The following NELL1 variants were observed in gnomAD, a reference collection of about 807,000 sequenced individuals.
NELL1 encodes protein kinase C-binding protein NELL1.
In NELL1, 76 loss-of-function variants were observed where a neutral mutation model predicts 107.4. The observed-to-expected ratio is 0.71, with a 90% confidence interval of 0.59 to 0.86. NELL1 has a LOEUF of 0.86. Ranked by LOEUF, NELL1 falls within the 40% of genes least tolerant of loss-of-function variation. The pLI is 0.00. For missense variants in NELL1, 1,024 were observed against 1,005.5 expected (o/e 1.02, Z -0.25); for synonymous variants, 353 against 341.2 (o/e 1.03, Z -0.38).
Position 21,181,816 on chromosome 11 carries a change from CATTATT to C in NELL1, c.1427-47509_1427-47504del, listed in dbSNP as rs776781757. ...ATAGAAAATACAACACCTTAATTGTCATTATTATTATTTTTTCTACTAGTGTACTGA... is the reference window on the plus strand; with the variant it reads ...ATAGAAAATACAACACCTTAATTGTCATTATTTTTTCTACTAGTGTACTGA... On this transcript the variant is annotated intron_variant, in intron 13 of 19. Coordinates refer to ENST00000357134, the MANE Select transcript of NELL1 (RefSeq NM_006157.5). Among the ~76,000 whole-genome samples the C allele has an allele frequency of 6.6e-5, 10 of 151,794 alleles. 1 individual carries two copies. Among genetic ancestry groups the C allele is most frequent in the African/African-American group, 9.7e-5 (4 of 41,192 alleles).
chr11:21,390,232 T>C (rs559563703), intron 15 of NELL1, among the ~76,000 whole-genome samples: 26 of 151,762 alleles, frequency 1.7e-4, no homozygotes, highest in African/African-American at 6.0e-4. Context: ...GGCCCTTTTA[T>C]TTATTGTGCT....
At chr11:21,476,813 T>G (rs1201505723) in intron 15 of NELL1, among the ~76,000 whole-genome samples, 1 of 152,080 alleles carries the variant, frequency 6.6e-6, no homozygotes, top group East Asian at 1.9e-4. Context: ...GCACAATGAT[T>G]GTGGGACTTT....
At chr11:21,072,980 C>T (rs984882449) in intron 12 of NELL1, among the ~76,000 whole-genome samples, 2 of 152,104 alleles carry the variant, frequency 1.3e-5, no homozygotes, top group Admixed American at 1.3e-4. Flanking sequence ...ATCTAGCTTG[C>T]TCTTTCTTCC....
intron 12 of NELL1, among the ~76,000 whole-genome samples, chr11:21,087,007 T>C (rs1854408486): frequency 6.6e-6 from 1 of 151,708 alleles, no homozygotes; most frequent in African/African-American, 2.4e-5. Flanking sequence ...CCTGGCTAAT[T>C]TTTCGTATTT....
In NELL1 at chr11:20,820,448, A is replaced by G. The variant is rs959666553; in HGVS notation, c.336-27135A>G. Among the ~76,000 whole-genome samples the G allele has an allele frequency of 2.2e-4, 33 of 152,238 alleles. 1 individual carries two copies. Among genetic ancestry groups the G allele is most frequent in the Admixed American group, 2.0e-4 (3 of 15,282 alleles). On this transcript the variant is annotated intron_variant, in intron 3 of 19. Transcript: ENST00000357134. ...GGTCACTCAACAGTTACAGCACACCATAATATGTGTTACAAAAGAAATGAG... is the reference window on the plus strand; with the variant it reads ...GGTCACTCAACAGTTACAGCACACCGTAATATGTGTTACAAAAGAAATGAG...
intron 13 of NELL1, among the ~76,000 whole-genome samples, chr11:21,142,728 T>C (rs192008886): frequency 6.6e-6 from 1 of 152,320 alleles, no homozygotes; most frequent in East Asian, 1.9e-4. Context: ...TTCCTGAAAG[T>C]TCACCCTGGA....
At chr11:21,417,792 G>A (rs912461304) in intron 15 of NELL1, among the ~76,000 whole-genome samples, 2 of 151,890 alleles carry the variant, frequency 1.3e-5, no homozygotes, top group African/African-American at 4.8e-5. Flanking sequence ...CACTTCTAAG[G>A]TGGGTCCTAC....
At chr11:21,353,576 A>G (rs1268882280) in intron 14 of NELL1, among the ~76,000 whole-genome samples, 1 of 152,194 alleles carries the variant, frequency 6.6e-6, no homozygotes, top group East Asian at 1.9e-4. Context: ...TAGATGAGAT[A>G]TAGCTAAACA....
At chr11:21,143,027 C>G (rs1429643574) in intron 13 of NELL1, among the ~76,000 whole-genome samples, 1 of 152,150 alleles carries the variant, frequency 6.6e-6, no homozygotes, top group African/African-American at 2.4e-5. Flanking sequence ...CAAATATTCT[C>G]AAAAGGGCAA....
chr11:21,514,045 T>C (rs181933607), intron 15 of NELL1, among the ~76,000 whole-genome samples: 6 of 152,328 alleles, frequency 3.9e-5, no homozygotes, highest in African/African-American at 1.4e-4. Flanking sequence ...ACATAAAACT[T>C]GATTAATCTT....
intron 14 of NELL1, among the ~76,000 whole-genome samples, chr11:21,310,767 A>C (rs1027328758): frequency 2.6e-5 from 4 of 152,032 alleles, no homozygotes; most frequent in Non-Finnish European, 4.4e-5. Context: ...TGTTGATGCT[A>C]TGCAGGTTCA....
intron 2 of NELL1, among the ~76,000 whole-genome samples, chr11:20,749,423 A>G (rs990687867): frequency 6.6e-6 from 1 of 151,458 alleles, no homozygotes; most frequent in South Asian, 2.1e-4. Flanking sequence ...ACACAATGAG[A>G]CCTCATCTCT....
At chr11:21,476,233 A>C (rs10833547) in intron 15 of NELL1, among the ~76,000 whole-genome samples, 75,098 of 151,928 alleles carry the variant, frequency 0.49, 19,068 homozygotes, top group African/African-American at 0.61. Flanking sequence ...ATTTATTCCT[A>C]TTAATATGGG....
intron 14 of NELL1, among the ~76,000 whole-genome samples, chr11:21,301,135 A>T (rs1238984867): frequency 5.9e-5 from 9 of 152,112 alleles, no homozygotes; most frequent in Non-Finnish European, 1.5e-5. Context: ...TTCTTAATCC[A>T]GTCTGTCATT....
At chr11:20,820,703 C>T (rs1857730440) in intron 3 of NELL1, among the ~76,000 whole-genome samples, 3 of 152,074 alleles carry the variant, frequency 2.0e-5, no homozygotes, top group South Asian at 4.1e-4. Flanking sequence ...GCCCTTTGTA[C>T]CTATTTCTCT....
intron 13 of NELL1, among the ~76,000 whole-genome samples, chr11:21,131,969 G>A (rs1449938896): frequency 6.6e-6 from 1 of 152,156 alleles, no homozygotes; most frequent in African/African-American, 2.4e-5. Context: ...GGAGACACAG[G>A]TACAGGATGG....
At chr11:21,162,160 A>T (rs1294951491) in intron 13 of NELL1, among the ~76,000 whole-genome samples, 1 of 152,084 alleles carries the variant, frequency 6.6e-6, no homozygotes, top group Non-Finnish European at 1.5e-5. Context: ...CATGTTGACC[A>T]GGATGGTCTC....
At chr11:21,514,843 C>G (rs1855518803) in intron 15 of NELL1, among the ~76,000 whole-genome samples, 1 of 152,088 alleles carries the variant, frequency 6.6e-6, no homozygotes, top group Non-Finnish European at 1.5e-5. Context: ...CAGTCCTGTC[C>G]TGTATTATTG....
Position 21,574,835 on chromosome 11 carries a change from T to C in NELL1, c.2383-137T>C, listed in dbSNP as rs557548618. 77 of 685,456 alleles carry C rather than the reference T, an allele frequency of 1.1e-4. No homozygotes were observed. In the East Asian group the frequency reaches 2.1e-3, roughly 19 times the overall value. The allele number at this position is 685,456 out of a possible 1,614,324, so 42.5% of individuals were successfully genotyped here. On this transcript the variant is annotated intron_variant, in intron 19 of 19. Transcript: ENST00000357134. The stretch of plus-strand genomic sequence containing the variant: ...TCTTTCTCTAGTTTTTTTCCTAGCA[T>C]TTTTTTCTAGTCATTTTTTATAGCC...
Sources: gnomAD v4.1 joint callset for allele counts (sites outside exome capture counted in the v4.1 genomes callset) on GRCh38, gnomAD v4.1.1 for gene constraint, MANE v1.5 for transcripts, NCBI Gene and HGNC (gene_info 2026-07-23, HGNC 2026-07-21) for gene names.